Variants in CSMD2 observed in about 807,000 individuals in gnomAD.
The protein encoded by CSMD2 is CUB and Sushi multiple domains 2, also known as CUB and sushi domain-containing protein 2.
Under a neutral mutation model 398.5 loss-of-function variants are expected in CSMD2, and 130 were observed. The observed-to-expected ratio is 0.33, with a 90% CI of 0.28 to 0.38. The LOEUF is 0.38. CSMD2 is among the 10% of genes least tolerant of loss of function. The probability of loss-of-function intolerance (pLI) is 1.00; values close to 1 mark genes in which losing one functional copy is unlikely to be tolerated. For missense variants in CSMD2, 3,829 were observed against 4,764.9 expected, an observed-to-expected ratio of 0.80 and a Z score of 5.78; for synonymous variants, 1,828 against 1,908.5, an observed-to-expected ratio of 0.96 and a Z score of 1.10.
At chr1:33,978,458 A>G (rs1469048522) in intron 3 of CSMD2, among the ~76,000 whole-genome samples, 4 of 152,164 alleles carry the variant, frequency 2.6e-5, no homozygotes, top group Non-Finnish European at 4.4e-5. Flanking sequence ...CCAGGGCGAG[A>G]AAGATCATGA....
intron 12 of CSMD2, among the ~76,000 whole-genome samples, chr1:33,776,859 T>G (rs1049553784): frequency 6.7e-6 from 1 of 149,182 alleles, no homozygotes; most frequent in Non-Finnish European, 1.5e-5. Flanking sequence ...TGGGCAGGAG[T>G]AAAGGGAGTG....
intron 3 of CSMD2, among the ~76,000 whole-genome samples, chr1:33,941,667 G>A (rs867310372): frequency 4.6e-5 from 7 of 152,088 alleles, no homozygotes; most frequent in Non-Finnish European, 7.4e-5. Flanking sequence ...TAATCTTTAC[G>A]ACTCCCTTAT....
chr1:34,143,958 G>C (rs756616645), intron 1 of CSMD2, among the ~76,000 whole-genome samples: 2 of 152,162 alleles, frequency 1.3e-5, no homozygotes, highest in Non-Finnish European at 2.9e-5. Context: ...AATCCACCTA[G>C]TTGAAATATA....
intron 2 of CSMD2, among the ~76,000 whole-genome samples, chr1:34,058,760 G>C (rs1007426346): frequency 6.6e-5 from 10 of 152,186 alleles, no homozygotes; most frequent in African/African-American, 2.4e-4. Context: ...TATTAGGGCT[G>C]GTCAGCCCTG....
intron 3 of CSMD2, among the ~76,000 whole-genome samples, chr1:33,972,944 G>A (rs762088010): frequency 6.6e-5 from 10 of 152,130 alleles, no homozygotes; most frequent in Non-Finnish European, 1.5e-4. Flanking sequence ...AAAAGACTAT[G>A]AGTCTCCATT....
chr1:34,097,269 G>A (rs1396833233), intron 1 of CSMD2, among the ~76,000 whole-genome samples: 11 of 150,512 alleles, frequency 7.3e-5, no homozygotes, highest in African/African-American at 2.5e-4. Flanking sequence ...ATTCAAGATG[G>A]ATTAAAGACT....
intron 10 of CSMD2, 53 bp from the exon 11 acceptor site, chr1:33,792,579 C>G (rs919922665): frequency 1.6e-6 from 2 of 1,254,062 alleles, no homozygotes; most frequent in African/African-American, 3.0e-5. Flanking sequence ...GGAAGCCTTC[C>G]AAAGCCTTGA....
intron 3 of CSMD2, among the ~76,000 whole-genome samples, chr1:33,966,206 G>C (rs1472656770): frequency 3.9e-5 from 6 of 152,192 alleles, no homozygotes; most frequent in Admixed American, 2.0e-4. Context: ...CTTGACTCCA[G>C]ATTCTGCCAG....
At chr1:33,736,083 CG>C (rs1320644514) in intron 15 of CSMD2, among the ~76,000 whole-genome samples, 1 of 152,180 alleles carries the variant, frequency 6.6e-6, no homozygotes, top group East Asian at 1.9e-4. Context: ...CTGAGAAAAC[CG>C]AGCGGGCTCT....
At chr1:33,737,594 TG>T (rs1374698994) in intron 15 of CSMD2, among the ~76,000 whole-genome samples, 1 of 152,132 alleles carries the variant, frequency 6.6e-6, no homozygotes. Context: ...TTCCCCAGGG[TG>T]GCTTGGATGA....
intron 1 of CSMD2, among the ~76,000 whole-genome samples, chr1:34,158,644 G>A (rs1210611627): frequency 1.3e-5 from 2 of 152,208 alleles, no homozygotes; most frequent in Non-Finnish European, 2.9e-5. Flanking sequence ...TAAGAGGCTG[G>A]TGCTGAAAGC....
chr1:33,784,394 G>A (rs528935726), intron 12 of CSMD2, among the ~76,000 whole-genome samples: 10 of 152,268 alleles, frequency 6.6e-5, no homozygotes, highest in South Asian at 4.2e-4. Flanking sequence ...TCCTCACCAG[G>A]AGGGTGTGAG....
intron 62 of CSMD2, among the ~76,000 whole-genome samples, chr1:33,536,440 G>A (rs1420140769): frequency 6.6e-6 from 1 of 152,184 alleles, no homozygotes; most frequent in East Asian, 1.9e-4. Context: ...AGCCAGGATG[G>A]CCTCGATCTC....
chr1:33,921,197 G>A (rs1431604057), intron 4 of CSMD2, among the ~76,000 whole-genome samples: 3 of 152,178 alleles, frequency 2.0e-5, no homozygotes, highest in African/African-American at 7.2e-5. Context: ...CAGAAAGCAG[G>A]AAGGGAGGGA....
At chr1:33,804,766 C>G (rs1174557831) in intron 10 of CSMD2, 3 of 717,468 alleles carry the variant, frequency 4.2e-6, no homozygotes, top group Non-Finnish European at 7.8e-6. Flanking sequence ...GTTCCATGAA[C>G]AGGGTTAGGC....
intron 2 of CSMD2, among the ~76,000 whole-genome samples, chr1:34,068,263 C>A (rs548597648): frequency 6.6e-6 from 1 of 152,202 alleles, no homozygotes; most frequent in East Asian, 1.9e-4. Flanking sequence ...GTCATTCTCC[C>A]GTGGTCCCAC....
chr1:33,916,054 G>A (rs2125277366), intron 5 of CSMD2, among the ~76,000 whole-genome samples: 1 of 152,240 alleles, frequency 6.6e-6, no homozygotes, highest in South Asian at 2.1e-4. Flanking sequence ...GCTCTAAAGA[G>A]CTTATAACCT....
chr1:33,558,267 G>A (rs915107), intron 54 of CSMD2, among the ~76,000 whole-genome samples: 2 of 152,198 alleles, frequency 1.3e-5, no homozygotes, highest in African/African-American at 4.8e-5. Flanking sequence ...ATATCTGATC[G>A]TAGCACAATG....
chr1:33,557,296 C>A (rs1335708057), intron 55 of CSMD2, among the ~76,000 whole-genome samples: 1 of 152,168 alleles, frequency 6.6e-6, no homozygotes, highest in African/African-American at 2.4e-5. Context: ...GAATTCCAGT[C>A]CAAGTTGGTC....
Sources: allele counts gnomAD v4.1 joint callset (sites outside exome capture counted in the v4.1 genomes callset), GRCh38; gene constraint gnomAD v4.1.1; transcripts MANE v1.5; gene names NCBI Gene and HGNC (gene_info 2026-07-23, HGNC 2026-07-21).